Variants in CCDC192 observed in about 807,000 individuals in gnomAD.
CCDC192 encodes coiled-coil domain-containing protein 192.
chr5:127,936,610 T>A (rs903111086), intron 6 of CCDC192, among the ~76,000 whole-genome samples: 7 of 152,212 alleles, frequency 4.6e-5, no homozygotes, highest in African/African-American at 1.4e-4. Context: ...TGAAGAATGA[T>A]GTATGACTGT....
At chr5:127,704,209 G>T (rs1390780596) in intron 1 of CCDC192, among the ~76,000 whole-genome samples, 1 of 152,136 alleles carries the variant, frequency 6.6e-6, no homozygotes. Flanking sequence ...TTGTTTTTGA[G>T]ACAGAGTCTC....
chr5:127,907,254 G>T (rs1753223465), intron 6 of CCDC192, among the ~76,000 whole-genome samples: 1 of 151,888 alleles, frequency 6.6e-6, no homozygotes, highest in African/African-American at 2.4e-5. Context: ...AAATAAATAA[G>T]AGCAGAACAA....
At chr5:127,714,656 C>T (rs1751522170) in intron 2 of CCDC192, among the ~76,000 whole-genome samples, 1 of 152,204 alleles carries the variant, frequency 6.6e-6, no homozygotes, top group Non-Finnish European at 1.5e-5. Flanking sequence ...AGGCATGAGC[C>T]ACTACGCCTG....
chr5:127,895,093 A>C (rs961662619), intron 6 of CCDC192, among the ~76,000 whole-genome samples: 2 of 152,142 alleles, frequency 1.3e-5, no homozygotes, highest in Non-Finnish European at 2.9e-5. Context: ...AGATCATTCC[A>C]TCACCTAGGT....
intron 6 of CCDC192, among the ~76,000 whole-genome samples, chr5:127,877,617 G>C (rs942360755): frequency 2.0e-5 from 3 of 152,084 alleles, no homozygotes; most frequent in Non-Finnish European, 2.9e-5. Context: ...TCAATAGTCC[G>C]GGAGGTTGTC....
intron 5 of CCDC192, among the ~76,000 whole-genome samples, chr5:127,821,462 C>T (rs1421842151): frequency 2.0e-5 from 3 of 152,172 alleles, no homozygotes; most frequent in Non-Finnish European, 4.4e-5. Context: ...TGACAAGAGA[C>T]TGGAGAATTC....
intron 3 of CCDC192, among the ~76,000 whole-genome samples, chr5:127,793,409 C>A (rs1197358165): frequency 6.6e-6 from 1 of 152,062 alleles, no homozygotes; most frequent in African/African-American, 2.4e-5. Flanking sequence ...AAAAAGTTTC[C>A]TTTAAGTATA....
chr5:127,731,210 A>T (rs1044182033), intron 2 of CCDC192, among the ~76,000 whole-genome samples: 1 of 152,202 alleles, frequency 6.6e-6, no homozygotes, highest in Non-Finnish European at 1.5e-5. Flanking sequence ...GAGCATTCCT[A>T]TACACAAATG....
chr5:127,774,680 G>T (rs1463272499), intron 3 of CCDC192, among the ~76,000 whole-genome samples: 1 of 152,106 alleles, frequency 6.6e-6, no homozygotes, highest in Non-Finnish European at 1.5e-5. Flanking sequence ...TTGAAATTGG[G>T]AAGTGTGAGT....
chr5:127,728,627 A>G (rs1387173246), intron 2 of CCDC192, among the ~76,000 whole-genome samples: 1 of 152,228 alleles, frequency 6.6e-6, no homozygotes, highest in Non-Finnish European at 1.5e-5. Context: ...ACTATGAAGC[A>G]ACTACATTAA....
chr5:127,765,501 C>T (rs1303932593), intron 3 of CCDC192, among the ~76,000 whole-genome samples: 4 of 152,022 alleles, frequency 2.6e-5, no homozygotes, highest in African/African-American at 9.7e-5. Flanking sequence ...GTAGATATAG[C>T]CCACATTAAC....
At chr5:127,849,672 AG>A (rs1421896603) in intron 5 of CCDC192, among the ~76,000 whole-genome samples, 1 of 152,228 alleles carries the variant, frequency 6.6e-6, no homozygotes, top group Admixed American at 6.5e-5. Context: ...CTTAGGTTAG[AG>A]ATTTGTAAGG....
intron 5 of CCDC192, among the ~76,000 whole-genome samples, chr5:127,851,923 G>C (rs1413343923): frequency 2.0e-5 from 3 of 152,216 alleles, no homozygotes; most frequent in African/African-American, 7.2e-5. Context: ...AATACTGTGT[G>C]TTCCAAGAAT....
At chr5:127,767,202 G>A (rs918772591) in intron 3 of CCDC192, among the ~76,000 whole-genome samples, 1 of 152,124 alleles carries the variant, frequency 6.6e-6, no homozygotes, top group African/African-American at 2.4e-5. Context: ...TCCTAGGAAT[G>A]TGTCCCAGGC....
At chr5:127,720,791 C>T (rs116461124) in intron 2 of CCDC192, among the ~76,000 whole-genome samples, 1,889 of 152,294 alleles carry the variant, frequency 0.012, 38 homozygotes, top group African/African-American at 0.04. Context: ...ACATGGAAGC[C>T]TCCAAGGCTT....
At chr5:127,776,934 G>A (rs906715880) in intron 3 of CCDC192, among the ~76,000 whole-genome samples, 2 of 152,230 alleles carry the variant, frequency 1.3e-5, no homozygotes, top group Admixed American at 6.5e-5. Flanking sequence ...CCAGGAAGAA[G>A]TTTGCTGCAG....
intron 6 of CCDC192, among the ~76,000 whole-genome samples, chr5:127,926,767 C>T (rs2127196841): frequency 6.6e-6 from 1 of 152,184 alleles, no homozygotes; most frequent in Admixed American, 6.5e-5. Context: ...TGGCATTATT[C>T]ATACCAATAT....
chr5:127,749,521 TTTATTGAGGATTTTTGCATCAA>T (rs1192541060), intron 2 of CCDC192, among the ~76,000 whole-genome samples: 2 of 152,008 alleles, frequency 1.3e-5, no homozygotes, highest in African/African-American at 4.8e-5. Context: ...TTGCCAGTAT[TTTATTGAGGATTTTTGCATCAA>T]TGTTCATCAA....
At chr5:127,861,548 G>A (rs945473546) in intron 5 of CCDC192, among the ~76,000 whole-genome samples, 33 of 151,786 alleles carry the variant, frequency 2.2e-4, no homozygotes, top group African/African-American at 7.7e-4. Context: ...CCAGCTACTC[G>A]GGAGGCTGAG....
Sources: gnomAD v4.1 joint callset for allele counts (sites outside exome capture counted in the v4.1 genomes callset) on GRCh38, gnomAD v4.1.1 for gene constraint, MANE v1.5 for transcripts, NCBI Gene and HGNC (gene_info 2026-07-23, HGNC 2026-07-21) for gene names.